RAD50: variants seen among roughly 807,000 people sequenced by gnomAD.
RAD50 encodes the protein RAD50 double strand break repair protein, also known as DNA repair protein RAD50.
Under a neutral mutation model 168.8 loss-of-function variants are expected in RAD50, and 132 were observed. The ratio of observed to expected loss-of-function variants is 0.78; its 90% CI spans 0.68 to 0.90. RAD50 has a LOEUF of 0.90. RAD50 is among the 40% of genes least tolerant of loss of function. RAD50 has a pLI of 0.00. For missense variants in RAD50, 1,347 were observed against 1,534.4 expected, an observed-to-expected ratio of 0.88 and a Z score of 2.04; for synonymous variants, 525 against 497.4, an observed-to-expected ratio of 1.06 and a Z score of -0.74.
chr5:132,603,376 C>T lies in RAD50; in HGVS notation c.2284C>T (p.Gln762Ter), dbSNP rs876660797. 6.2e-7 allele frequency: 1 copy of T among 1,613,756 alleles called. No individual in the cohort carries two copies. ...ACTGCAGAATGTCAATAGAGACATA[C>T]AGCGCCTAAAGAACGACATAGAAGA... ...NKLQNVNRDI[Q>*]RLKNDIEEQE... Residue 762 changes from glutamine (Q) to a stop codon, truncating the protein, a stop_gained, in exon 14 of 25, where the codon CAG becomes TAG. Coordinates refer to ENST00000378823, the MANE Select transcript of RAD50 (RefSeq NM_005732.4). LOFTEE classifies it high-confidence loss of function.
At position 132,603,509 on chromosome 5, in the gene RAD50, A is replaced by C. The variant is rs1750926542; in HGVS notation, c.2397+20A>C. 6.2e-7 allele frequency: 1 copy of C among 1,608,022 alleles called. No individual in the cohort carries two copies. The highest frequency in any genetic ancestry group is 1.3e-5 in the African/African-American group (1 of 74,772). ...TTCCAGGTAAGTTTATTGTAGTTTA[A>C]GGCAGAATAAAACTTGTTCCATGGT... On this transcript the variant is annotated intron_variant, in intron 14 of 24. Coordinates refer to ENST00000378823, the MANE Select transcript of RAD50 (RefSeq NM_005732.4).
intron 19 of RAD50, among the ~76,000 whole-genome samples, chr5:132,614,007 AAC>A (rs1393119267): frequency 5.3e-5 from 8 of 152,180 alleles, no homozygotes; most frequent in African/African-American, 1.9e-4. Flanking sequence ...TAAAAGTAAT[AAC>A]ACTGTGATTT....
intron 21 of RAD50, among the ~76,000 whole-genome samples, chr5:132,620,897 G>C (rs2149855335): frequency 6.6e-6 from 1 of 152,096 alleles, no homozygotes; most frequent in Non-Finnish European, 1.5e-5. Flanking sequence ...TATATTTTCT[G>C]TTAAGTGGAA....
At chr5:132,586,672 G>A (rs148403437) in intron 5 of RAD50, among the ~76,000 whole-genome samples, 232 of 152,228 alleles carry the variant, frequency 1.5e-3, no homozygotes, top group Non-Finnish European at 2.7e-3. Context: ...TGCAATTGCT[G>A]TCTAAGCATT....
chr5:132,638,411 A>T (rs1354355199), intron 23 of RAD50, 188 bp downstream of exon 23: 2 of 709,598 alleles, frequency 2.8e-6, no homozygotes, highest in African/African-American at 3.5e-5. Flanking sequence ...TTCCTGCAAC[A>T]TTATGTAGAC....
chr5:132,557,450 G>A lies in RAD50; in HGVS notation c.126G>A (p.Lys42=), dbSNP rs754823399. ...TGGTTGGACCCAATGGGGCGGGAAAGACGGTAAGTCTTCAGTAGCCGCCTT... is the reference window on the plus strand; with the variant it reads ...TGGTTGGACCCAATGGGGCGGGAAAAACGGTAAGTCTTCAGTAGCCGCCTT... ...TILVGPNGAG[K]TTIIECLKYI... The change falls in exon 1 of 25, where the codon AAG becomes AAA. Residue 42 remains lysine, a synonymous_variant. Transcript: ENST00000378823. 1.9e-6 allele frequency: 3 copies of A among 1,614,142 alleles called. No homozygotes were observed. The highest frequency in any genetic ancestry group is 2.5e-6 in the Non-Finnish European group (3 of 1,179,964).
intron 19 of RAD50, among the ~76,000 whole-genome samples, chr5:132,611,875 G>A (rs1751094451): frequency 6.6e-6 from 1 of 152,098 alleles, no homozygotes; most frequent in Non-Finnish European, 1.5e-5. Flanking sequence ...AAAATACAGT[G>A]TATCTCAGCA....
intron 21 of RAD50, among the ~76,000 whole-genome samples, chr5:132,628,421 AATAAG>A (rs1195553318): frequency 6.6e-6 from 1 of 152,368 alleles, no homozygotes; most frequent in East Asian, 1.9e-4. Flanking sequence ...TTTGGAGTCA[AATAAG>A]ATAAGGACTA....
At chr5:132,577,765 C>T (rs1750423622) in intron 3 of RAD50, among the ~76,000 whole-genome samples, 1 of 150,456 alleles carries the variant, frequency 6.6e-6, no homozygotes, top group African/African-American at 2.5e-5. Context: ...ACCTCTGTTT[C>T]CAGACCCATT....
At chr5:132,600,583 C>T (rs1750871451) in intron 13 of RAD50, among the ~76,000 whole-genome samples, 1 of 152,124 alleles carries the variant, frequency 6.6e-6, no homozygotes. Context: ...GAGATCTCAG[C>T]TGAAAATGTA....
chr5:132,638,374 T>C (rs1751639931), intron 23 of RAD50, 151 bp downstream of exon 23: 1 of 893,000 alleles, frequency 1.1e-6, no homozygotes, highest in East Asian at 2.6e-5. Flanking sequence ...GCTACTATTA[T>C]TACACTCTCC....
intron 22 of RAD50, 145 bp from the exon 23 acceptor site, chr5:132,637,936 C>T: frequency 1.1e-6 from 1 of 933,860 alleles, no homozygotes; most frequent in Non-Finnish European, 1.6e-6. Flanking sequence ...TCCTCCCAGC[C>T]AGAGAAAGAG....
intron 19 of RAD50, 140 bp from the exon 20 acceptor site, chr5:132,615,863 A>G (rs184741267): frequency 7.1e-6 from 6 of 849,764 alleles, no homozygotes; most frequent in African/African-American, 1.7e-5. Flanking sequence ...ATTCCTTCAC[A>G]CTGGCTTATT....
At position 132,608,698 on chromosome 5, in the gene RAD50, T is replaced by G. The variant is rs1340633302; in HGVS notation, c.2802T>G (p.Asn934Lys). 6.3e-7 allele frequency: 1 copy of G among 1,591,066 alleles called. No homozygotes were observed. The highest frequency in any genetic ancestry group is 1.4e-5 in the African/African-American group (1 of 73,636). ...QEKEELINKKNTSNKIAQDKL... is the reference protein window; with the variant it reads ...QEKEELINKKKTSNKIAQDKL... ...AAGAAGAATTAATCAACAAAAAAAA[T>G]ACAAGCAACAAAATAGCACAGGATA... Residue 934 changes from asparagine to lysine, a missense_variant, in exon 17 of 25, where the codon AAT (asparagine) becomes AAG (lysine). By Grantham distance (94) the Asn-to-Lys change is moderately conservative (BLOSUM62 0). Coordinates refer to ENST00000378823, the MANE Select transcript of RAD50 (RefSeq NM_005732.4).
At chr5:132,596,904 C>T (rs1040066972) in intron 13 of RAD50, among the ~76,000 whole-genome samples, 6 of 152,104 alleles carry the variant, frequency 3.9e-5, no homozygotes, top group African/African-American at 7.2e-5. Context: ...TGAGAGGAGA[C>T]GGAAGTCAGA....
At chr5:132,631,787 C>G (rs1751479694) in intron 21 of RAD50, among the ~76,000 whole-genome samples, 1 of 152,016 alleles carries the variant, frequency 6.6e-6, no homozygotes, top group Non-Finnish European at 1.5e-5. Flanking sequence ...CTCACTGCAG[C>G]CTTGACTTCC....
At chr5:132,631,939 C>T (rs1751482500) in intron 21 of RAD50, among the ~76,000 whole-genome samples, 1 of 152,198 alleles carries the variant, frequency 6.6e-6, no homozygotes, top group Non-Finnish European at 1.5e-5. Flanking sequence ...CCTTTCCCAC[C>T]TCTTATCTCT....
chr5:132,574,070 A>T (rs750291639), intron 2 of RAD50, among the ~76,000 whole-genome samples: 11 of 152,324 alleles, frequency 7.2e-5, no homozygotes, highest in Non-Finnish European at 1.3e-4. Context: ...ACCAGTCTGG[A>T]GGACAGTGGC....
chr5:132,569,283 T>C (rs915433170), intron 2 of RAD50, among the ~76,000 whole-genome samples: 4 of 152,300 alleles, frequency 2.6e-5, no homozygotes, highest in Admixed American at 1.3e-4. Context: ...AATGGTGTTT[T>C]GTATATAATG....
Sources: allele counts gnomAD v4.1 joint callset (sites outside exome capture counted in the v4.1 genomes callset), GRCh38; gene constraint gnomAD v4.1.1; transcripts MANE v1.5; gene names NCBI Gene and HGNC (gene_info 2026-07-23, HGNC 2026-07-21).